Variants in CFAP61 observed in about 807,000 individuals in gnomAD.
CFAP61 encodes cilia and flagella associated protein 61, also known as cilia- and flagella-associated protein 61.
Under a neutral mutation model 135.6 loss-of-function variants are expected in CFAP61, and 107 were observed. That is an observed-to-expected ratio of 0.79 (90% confidence interval 0.67 to 0.93). CFAP61 has a LOEUF of 0.93. Ranked by LOEUF, CFAP61 falls within the 40% of genes least tolerant of loss-of-function variation. The pLI is 0.00. For missense variants in CFAP61, 1,507 were observed against 1,556.2 expected, an observed-to-expected ratio of 0.97 and a Z score of 0.53; for synonymous variants, 575 against 578.5, an observed-to-expected ratio of 0.99 and a Z score of 0.09.
Position 20,235,093 on chromosome 20 carries a change from C to T in CFAP61, c.2060+6717C>T, listed in dbSNP as rs113039097. 2.6e-5 allele frequency among the ~76,000 whole-genome samples: 4 copies of T among 152,190 alleles called. No homozygotes were observed. The East Asian group carries it at 5.8e-4, about 22-fold the overall frequency. On this transcript the variant is annotated intron_variant, in intron 18 of 26. Transcript: ENST00000245957. ...TCCACGTGGAGGATGCCCTCTTCCC[C>T]GAGGACTGGGGGAGCCGGAGGTGCT...
intron 20 of CFAP61, among the ~76,000 whole-genome samples, chr20:20,262,491 T>C (rs1265383938): frequency 6.6e-6 from 1 of 152,210 alleles, no homozygotes; most frequent in African/African-American, 2.4e-5. Flanking sequence ...TGTTGTCACA[T>C]TTGAATACCC....
intron 20 of CFAP61, chr20:20,253,530 C>CA: frequency 2.2e-6 from 1 of 460,130 alleles, no homozygotes; most frequent in Non-Finnish European, 4.3e-6. Flanking sequence ...AGAGAATCTA[C>CA]ATGTAAACCC....
At chr20:20,187,711 T>C (rs537829037) in intron 13 of CFAP61, among the ~76,000 whole-genome samples, 7 of 152,376 alleles carry the variant, frequency 4.6e-5, no homozygotes, top group Admixed American at 2.6e-4. Flanking sequence ...GTTAATGGCA[T>C]TATCAGTGAT....
intron 17 of CFAP61, among the ~76,000 whole-genome samples, chr20:20,213,498 C>A (rs1240098235): frequency 1.3e-5 from 2 of 151,296 alleles, no homozygotes; most frequent in African/African-American, 4.9e-5. Flanking sequence ...ACCTCCATGG[C>A]AGTTGGCCTC....
At chr20:20,139,393 G>C (rs917776889) in intron 8 of CFAP61, among the ~76,000 whole-genome samples, 2 of 152,220 alleles carry the variant, frequency 1.3e-5, no homozygotes, top group African/African-American at 4.8e-5. Context: ...TAGAGAGAAA[G>C]TCCTGACAAA....
At chr20:20,122,638 A>G (rs1600782048) in intron 8 of CFAP61, among the ~76,000 whole-genome samples, 1 of 152,186 alleles carries the variant, frequency 6.6e-6, no homozygotes, top group African/African-American at 2.4e-5. Flanking sequence ...CATCATATAT[A>G]TCACAGTTTC....
At chr20:20,270,156 A>G (rs2053232614) in intron 21 of CFAP61, among the ~76,000 whole-genome samples, 1 of 152,224 alleles carries the variant, frequency 6.6e-6, no homozygotes, top group South Asian at 2.1e-4. Flanking sequence ...GGCCTTAAAA[A>G]TATAATAACT....
intron 18 of CFAP61, among the ~76,000 whole-genome samples, chr20:20,233,275 TTAAA>T (rs1433552470): frequency 2.0e-5 from 3 of 152,166 alleles, no homozygotes; most frequent in Non-Finnish European, 4.4e-5. Flanking sequence ...AGGTGACTAA[TTAAA>T]TAGTCAGTGC....
intron 8 of CFAP61, among the ~76,000 whole-genome samples, chr20:20,119,428 A>G (rs2049436946): frequency 6.6e-6 from 1 of 151,956 alleles, no homozygotes; most frequent in African/African-American, 2.4e-5. Context: ...TTCTCGAATG[A>G]TCCTTTGTAT....
At chr20:20,266,532 C>T (rs950398145) in intron 21 of CFAP61, among the ~76,000 whole-genome samples, 1 of 152,156 alleles carries the variant, frequency 6.6e-6, no homozygotes, top group African/African-American at 2.4e-5. Flanking sequence ...TTCCTTACCT[C>T]CCACATGGTG....
In CFAP61 at chr20:20,360,288, C is replaced by A. The variant is rs2059427151; in HGVS notation, c.3592C>A (p.Gln1198Lys). The A allele has an allele frequency of 6.2e-7, 1 of 1,613,844 alleles. No homozygotes were observed. The highest frequency in any genetic ancestry group is 2.2e-5 in the East Asian group (1 of 44,876). The change falls in exon 27 of 27, where the codon CAA becomes AAA. Residue 1198 changes from glutamine (Q) to lysine (K), a missense_variant. Transcript: ENST00000245957. Reference protein sequence around the residue: ...EEINPTEKPRQYLKRVFEESI... With the variant: ...EEINPTEKPRKYLKRVFEESI... ...AATCAACCCGACTGAGAAGCCCAGG[C>A]AATACCTCAAAAGAGTTTTTGAGGA...
At chr20:20,114,679 T>A (rs1481829686) in intron 8 of CFAP61, among the ~76,000 whole-genome samples, 1 of 152,206 alleles carries the variant, frequency 6.6e-6, no homozygotes, top group African/African-American at 2.4e-5. Context: ...ATCTGTATAT[T>A]ATTTTGTATT....
intron 13 of CFAP61, among the ~76,000 whole-genome samples, chr20:20,177,371 G>A (rs1008646546): frequency 6.6e-6 from 1 of 152,080 alleles, no homozygotes; most frequent in East Asian, 1.9e-4. Context: ...GCTCACATAA[G>A]CAGGAGGTCT....
At chr20:20,162,818 T>G (rs1376128291) in intron 10 of CFAP61, among the ~76,000 whole-genome samples, 1 of 147,316 alleles carries the variant, frequency 6.8e-6, no homozygotes, top group African/African-American at 2.5e-5. Context: ...AGCACACAGA[T>G]GAAAACATTG....
chr20:20,108,090 T>G (rs2048535603), intron 8 of CFAP61, among the ~76,000 whole-genome samples: 1 of 152,188 alleles, frequency 6.6e-6, no homozygotes, highest in Admixed American at 6.5e-5. Context: ...AAGATCTTTT[T>G]CTCCCCCATT....
intron 10 of CFAP61, among the ~76,000 whole-genome samples, chr20:20,161,789 G>A (rs939206721): frequency 1.1e-4 from 17 of 152,302 alleles, no homozygotes; most frequent in Admixed American, 4.6e-4. Flanking sequence ...CTGCATGGGC[G>A]TTGTAACGGT....
At chr20:20,085,517 C>T (rs761903354) in intron 6 of CFAP61, 1 of 1,366,444 alleles carries the variant, frequency 7.3e-7, no homozygotes, top group East Asian at 4.5e-5. Context: ...TCTATTTTTC[C>T]CAGAAGAATT....
chr20:20,291,050 A>G (rs1336483418), intron 24 of CFAP61, among the ~76,000 whole-genome samples: 3 of 152,232 alleles, frequency 2.0e-5, no homozygotes. Flanking sequence ...GAGCAGAGGT[A>G]CAAAGATTTC....
intron 25 of CFAP61, among the ~76,000 whole-genome samples, chr20:20,299,336 C>A (rs1197459052): frequency 1.3e-5 from 2 of 152,172 alleles, no homozygotes; most frequent in Non-Finnish European, 2.9e-5. Flanking sequence ...TAGCCACTGT[C>A]CTGAAGTTTG....
Sources: allele counts gnomAD v4.1 joint callset (sites outside exome capture counted in the v4.1 genomes callset), GRCh38; gene constraint gnomAD v4.1.1; transcripts MANE v1.5; gene names NCBI Gene and HGNC (gene_info 2026-07-23, HGNC 2026-07-21).